The following FBXL17 variants were observed in gnomAD, a reference collection of about 807,000 sequenced individuals.
FBXL17 encodes the protein F-box/LRR-repeat protein 17.
In FBXL17, 22 loss-of-function variants were observed where a neutral mutation model predicts 66.2. That is an observed-to-expected ratio of 0.33 (90% CI 0.24 to 0.47). FBXL17 has a LOEUF of 0.47. Among genes scored for constraint, FBXL17 ranks in the 20% least tolerant of loss-of-function variants. The pLI is 1.00. For synonymous variants in FBXL17, 474 were observed against 400.5 expected (o/e 1.18, Z -2.19); for missense variants, 878 against 948.2 (o/e 0.93, Z 0.97).
At chr5:107,924,966 G>A (rs1750476248) in intron 7 of FBXL17, among the ~76,000 whole-genome samples, 1 of 152,322 alleles carries the variant, frequency 6.6e-6, no homozygotes, top group East Asian at 1.9e-4. Flanking sequence ...ACCCTGTCAA[G>A]TGGAACCTCA....
intron 4 of FBXL17, among the ~76,000 whole-genome samples, chr5:108,270,964 CT>C (rs751731040): frequency 2.0e-5 from 3 of 152,002 alleles, no homozygotes; most frequent in Admixed American, 6.6e-5. Context: ...CCCTTTCCCC[CT>C]CTCCTTCTCC....
chr5:108,226,172 C>T (rs1755091543), intron 4 of FBXL17, among the ~76,000 whole-genome samples: 1 of 152,138 alleles, frequency 6.6e-6, no homozygotes, highest in Admixed American at 6.6e-5. Context: ...CTCAAAATAA[C>T]TCTTCCCTCC....
chr5:108,339,525 A>G (rs1037042876), intron 4 of FBXL17, among the ~76,000 whole-genome samples: 2 of 152,066 alleles, frequency 1.3e-5, no homozygotes, highest in Non-Finnish European at 2.9e-5. Context: ...TGCTTCAAAT[A>G]TCTGATTTTA....
intron 1 of FBXL17, among the ~76,000 whole-genome samples, chr5:108,372,168 C>G (rs1749084422): frequency 6.6e-6 from 1 of 152,200 alleles, no homozygotes; most frequent in Non-Finnish European, 1.5e-5. Context: ...ATAATCATAT[C>G]TCTTTCTTGA....
chr5:108,160,481 A>T (rs959352881), intron 6 of FBXL17, among the ~76,000 whole-genome samples: 4 of 152,240 alleles, frequency 2.6e-5, no homozygotes, highest in Non-Finnish European at 5.9e-5. Context: ...CTCAGTTAGT[A>T]GCTTTGAGAA....
chr5:108,344,827 A>G (rs572334322), intron 4 of FBXL17, among the ~76,000 whole-genome samples: 4 of 152,216 alleles, frequency 2.6e-5, no homozygotes, highest in Non-Finnish European at 5.9e-5. Flanking sequence ...GCTTTGTGGC[A>G]TGCACTATAC....
At chr5:108,302,205 G>A (rs919728775) in intron 4 of FBXL17, 1 of 162,446 alleles carries the variant, frequency 6.2e-6, no homozygotes, top group Admixed American at 6.6e-5. Flanking sequence ...GACAAAGATA[G>A]TGTAATGACT....
At chr5:107,922,565 A>G (rs1457184650) in intron 7 of FBXL17, among the ~76,000 whole-genome samples, 2 of 152,116 alleles carry the variant, frequency 1.3e-5, no homozygotes, top group Non-Finnish European at 2.9e-5. Context: ...GCTGCACCCA[A>G]TTTCTTAAGA....
intron 8 of FBXL17, 46 bp downstream of exon 8, chr5:107,880,991 C>T (rs1748772527): frequency 6.2e-7 from 1 of 1,613,864 alleles, no homozygotes; most frequent in Non-Finnish European, 8.5e-7. Flanking sequence ...AAGCTATTAA[C>T]TATACTGATA....
chr5:108,358,113 T>C (rs1170588571), intron 3 of FBXL17, among the ~76,000 whole-genome samples: 2 of 152,286 alleles, frequency 1.3e-5, no homozygotes, highest in South Asian at 2.1e-4. Context: ...CATAAAATAA[T>C]GTCATCTTCG....
intron 4 of FBXL17, among the ~76,000 whole-genome samples, chr5:108,264,556 G>A (rs11959649): frequency 0.011 from 1,688 of 152,080 alleles, 38 homozygotes; most frequent in African/African-American, 0.039. Flanking sequence ...AAATGTACAG[G>A]TATAAGTAGG....
At chr5:108,361,285 G>A (rs1161936003) in intron 3 of FBXL17, among the ~76,000 whole-genome samples, 3 of 152,204 alleles carry the variant, frequency 2.0e-5, no homozygotes, top group East Asian at 3.9e-4. Flanking sequence ...CTTGTGTTCA[G>A]CCAGTGTTTT....
At chr5:108,083,571 ATTTTTT>A (rs5870295) in intron 6 of FBXL17, among the ~76,000 whole-genome samples, 1 of 142,382 alleles carries the variant, frequency 7.0e-6, no homozygotes, top group Non-Finnish European at 1.5e-5. Flanking sequence ...TTTGTGGCTA[ATTTTTT>A]TTTTTTTTTT....
rs1000701268 is a variant in FBXL17 at position 108,380,388 on chromosome 5, AT to A, written c.993+310del. ...TAAGTATAAATTCCTCGATTAAAAAATTTTTTTTTCCACAGAATACCTGCGA... is the reference window on the plus strand; with the variant it reads ...TAAGTATAAATTCCTCGATTAAAAAATTTTTTTTCCACAGAATACCTGCGA... On this transcript the variant is annotated intron_variant, in intron 1 of 8. Transcript: ENST00000542267. Among the ~76,000 whole-genome samples the A allele has an allele frequency of 5.9e-5, 9 of 151,976 alleles. No homozygotes were observed. The East Asian group carries it at 9.7e-4, about 16-fold the overall frequency.
At chr5:108,212,236 T>C (rs527966084) in intron 5 of FBXL17, among the ~76,000 whole-genome samples, 1 of 152,332 alleles carries the variant, frequency 6.6e-6, no homozygotes, top group Admixed American at 6.5e-5. Flanking sequence ...TCGTCTAACC[T>C]TTTTTCAAGG....
chr5:107,885,163 A>G (rs911110201), intron 7 of FBXL17, among the ~76,000 whole-genome samples: 2 of 152,290 alleles, frequency 1.3e-5, no homozygotes, highest in Middle Eastern at 3.4e-3. Flanking sequence ...ATTATGCAAG[A>G]CTAATTCCTA....
intron 7 of FBXL17, among the ~76,000 whole-genome samples, chr5:108,010,051 CA>C (rs1268333586): frequency 2.0e-5 from 3 of 152,092 alleles, no homozygotes; most frequent in Admixed American, 6.6e-5. Flanking sequence ...TGAACTAGAC[CA>C]GTATTTTTCA....
chr5:108,153,892 A>G (rs1489488477), intron 6 of FBXL17, among the ~76,000 whole-genome samples: 2 of 152,202 alleles, frequency 1.3e-5, no homozygotes, highest in African/African-American at 4.8e-5. Context: ...ACCTGTATCT[A>G]TGAACCAACT....
chr5:108,066,685 C>A (rs1024612063), intron 6 of FBXL17, among the ~76,000 whole-genome samples: 16 of 151,826 alleles, frequency 1.1e-4, no homozygotes, highest in Admixed American at 7.9e-4. Flanking sequence ...TTATAATTTT[C>A]CTCCATTTTA....
Sources: gnomAD v4.1 joint callset for allele counts (sites outside exome capture counted in the v4.1 genomes callset) on GRCh38, gnomAD v4.1.1 for gene constraint, MANE v1.5 for transcripts, NCBI Gene and HGNC (gene_info 2026-07-23, HGNC 2026-07-21) for gene names.